ICA1L: variants seen among roughly 807,000 people sequenced by gnomAD.
ICA1L encodes the protein islet cell autoantigen 1 like.
A neutral mutation model predicts 61.3 loss-of-function variants in ICA1L; 50 were observed. That is an observed-to-expected ratio of 0.82 (90% CI 0.65 to 1.03). The LOEUF (loss-of-function observed/expected upper bound fraction) is 1.03. Among genes scored for constraint, ICA1L ranks in the 50% least tolerant of loss-of-function variants. The probability of loss-of-function intolerance (pLI) is 0.00; values close to 1 mark genes in which losing one functional copy is unlikely to be tolerated. For missense variants in ICA1L, 508 were observed against 556.7 expected, an observed-to-expected ratio of 0.91 and a Z score of 0.88; for synonymous variants, 161 against 191.3, an observed-to-expected ratio of 0.84 and a Z score of 1.31.
chr2:202,805,060 A>G (rs1000618848), intron 9 of ICA1L, among the ~76,000 whole-genome samples: 5 of 152,230 alleles, frequency 3.3e-5, no homozygotes, highest in Admixed American at 3.3e-4. Flanking sequence ...TACAAGCCCC[A>G]TCATGGATGA....
intron 1 of ICA1L, chr2:202,829,256 C>T: frequency 4.4e-6 from 1 of 226,836 alleles, no homozygotes; most frequent in East Asian, 9.8e-5. Flanking sequence ...GAGGCTGAGG[C>T]AGAGAATGGC....
At position 202,775,873 on chromosome 2, in the gene ICA1L, C is replaced by G. The variant is rs1002481982; in HGVS notation, c.*3660G>C. On this transcript the variant is annotated 3_prime_UTR_variant, in exon 13 of 13. Transcript: ENST00000358299. ...TTTCGTTCTCCCATGTCCGTATCAA[C>G]TCAATGTACTTTCCTAATACTATGA... 1.3e-5 allele frequency: 2 copies of G among 152,190 alleles called. No individual in the cohort carries two copies. Among genetic ancestry groups the G allele is most frequent in the Non-Finnish European group, 2.9e-5 (2 of 68,030 alleles). 9.4% of individuals were successfully genotyped at this position (152,190 alleles called of 1,614,324 possible). A position where few individuals can be genotyped will look rare whatever the true frequency, so the allele number is the denominator to read the frequency against.
chr2:202,785,560 C>T, intron 12 of ICA1L, among the ~76,000 whole-genome samples: 1 of 152,162 alleles, frequency 6.6e-6, no homozygotes. Flanking sequence ...GCTGGGACTA[C>T]AGGTGCCCGC....
chr2:202,825,461 C>T, intron 3 of ICA1L: 1 of 1,145,392 alleles, frequency 8.7e-7, no homozygotes, highest in Middle Eastern at 3.5e-4. Flanking sequence ...CAGAGAAAGA[C>T]CCTGTCTCAA....
intron 1 of ICA1L, chr2:202,841,014 A>G (rs1306607634): frequency 4.5e-6 from 3 of 667,594 alleles, no homozygotes; most frequent in Non-Finnish European, 8.6e-6. Context: ...GATGCTGTCC[A>G]TGTCCAGGGA....
At chr2:202,783,145 G>A (rs1692464707) in intron 12 of ICA1L, among the ~76,000 whole-genome samples, 1 of 152,088 alleles carries the variant, frequency 6.6e-6, no homozygotes, top group Non-Finnish European at 1.5e-5. Context: ...TAAATAGAGA[G>A]GGAATGAGGA....
chr2:202,828,580 G>A (rs1346282622), intron 2 of ICA1L, among the ~76,000 whole-genome samples: 2 of 152,166 alleles, frequency 1.3e-5, no homozygotes, highest in East Asian at 1.9e-4. Context: ...TAATCATTAA[G>A]ACTTAGCTTG....
chr2:202,786,831 A>G, intron 11 of ICA1L: 1 of 425,996 alleles, frequency 2.3e-6, no homozygotes, highest in East Asian at 7.1e-5. Context: ...ATTATGTTGT[A>G]TAAAATGACA....
chr2:202,852,379 C>T (rs1223229831), intron 1 of ICA1L, among the ~76,000 whole-genome samples: 4 of 152,050 alleles, frequency 2.6e-5, no homozygotes, highest in African/African-American at 9.7e-5. Flanking sequence ...TGTAAAAGTG[C>T]TCCCATTTCA....
At chr2:202,840,647 T>C in intron 1 of ICA1L, 1 of 585,388 alleles carries the variant, frequency 1.7e-6, no homozygotes, top group Admixed American at 1.9e-5. Context: ...CAGCCTGATG[T>C]TCGTCAGTTC....
Position 202,840,749 on chromosome 2 carries a change from G to A in ICA1L, c.-7-11733C>T, listed in dbSNP as rs572729880. The A allele has an allele frequency of 2.0e-5, 12 of 595,024 alleles. No individual in the cohort carries two copies. The African/African-American group carries it at 2.2e-4, about 11-fold the overall frequency. 36.9% of individuals were successfully genotyped at this position (595,024 alleles called of 1,614,324 possible). A position where few individuals can be genotyped will look rare whatever the true frequency, so the allele number is the denominator to read the frequency against. On this transcript the variant is annotated intron_variant, in intron 1 of 12. Coordinates refer to ENST00000358299, the MANE Select transcript of ICA1L (RefSeq NM_001288622.3). Reference sequence around the variant, plus strand: ...GAGCTTGGCATTGGCATCCTTAACAGCCAACTCCCCACACTGCTAGGCATC... The same window carrying A: ...GAGCTTGGCATTGGCATCCTTAACAACCAACTCCCCACACTGCTAGGCATC...
In ICA1L at chr2:202,774,407, C is replaced by CCT. The variant is rs1461635552; in HGVS notation, c.*5125_*5126insAG. The stretch of plus-strand genomic sequence containing the variant: ...CAGGCCTCACTGCGCCTCCAACAGC[C>CCT]AGGGTCGAGCCCCTGGCTCCCCGTT... On this transcript the variant is annotated 3_prime_UTR_variant, in exon 13 of 13. Transcript: ENST00000358299. 2 of 1,004,120 alleles carry CCT rather than the reference C, an allele frequency of 2.0e-6. No homozygotes were observed. The highest frequency in any genetic ancestry group is 2.7e-6 in the Non-Finnish European group (2 of 752,296). The allele number at this position is 1,004,120 out of a possible 1,614,324, so 62.2% of individuals were successfully genotyped here. A position where few individuals can be genotyped will look rare whatever the true frequency, so the allele number is the denominator to read the frequency against.
At chr2:202,862,764 G>C (rs1475030840) in intron 1 of ICA1L, among the ~76,000 whole-genome samples, 6 of 151,970 alleles carry the variant, frequency 3.9e-5, no homozygotes, top group African/African-American at 1.4e-4. Flanking sequence ...TTGAACCCGA[G>C]AGGCAGAGGT....
intron 1 of ICA1L, among the ~76,000 whole-genome samples, chr2:202,858,347 CATT>C (rs906363072): frequency 1.6e-4 from 24 of 152,184 alleles, no homozygotes; most frequent in African/African-American, 5.8e-4. Context: ...TGGAAACCAT[CATT>C]GTCAGCAAAT....
chr2:202,774,944 A>G lies in ICA1L; in HGVS notation c.*4589T>C, dbSNP rs771998735. The G allele has an allele frequency of 2.6e-5, 4 of 152,244 alleles. No homozygotes were observed. Among genetic ancestry groups the G allele is most frequent in the South Asian group, 2.1e-4 (1 of 4,830 alleles). 9.4% of individuals were successfully genotyped at this position (152,244 alleles called of 1,614,324 possible). On this transcript the variant is annotated 3_prime_UTR_variant, in exon 13 of 13. Coordinates refer to ENST00000358299, the MANE Select transcript of ICA1L (RefSeq NM_001288622.3). ...CCTTTTTGTATTTACTCTTTGGCCA[A>G]TGAGTAGTTAATTTACACCACTGAG...
chr2:202,816,285 G>A (rs1161175164), intron 6 of ICA1L, among the ~76,000 whole-genome samples: 1 of 152,118 alleles, frequency 6.6e-6, no homozygotes, highest in Non-Finnish European at 1.5e-5. Context: ...CTAAGAGAAT[G>A]AAAACTTAGG....
intron 1 of ICA1L, among the ~76,000 whole-genome samples, chr2:202,832,262 G>A (rs1306769597): frequency 1.3e-5 from 2 of 151,948 alleles, no homozygotes; most frequent in African/African-American, 2.4e-5. Context: ...GACATATAAA[G>A]AAATAGGAAC....
intron 10 of ICA1L, among the ~76,000 whole-genome samples, chr2:202,791,235 T>C (rs931816980): frequency 6.6e-6 from 1 of 152,136 alleles, no homozygotes; most frequent in African/African-American, 2.4e-5. Flanking sequence ...CCAGGGACTG[T>C]TGAAATCAAT....
intron 10 of ICA1L, among the ~76,000 whole-genome samples, chr2:202,792,926 G>A (rs1482595908): frequency 6.6e-6 from 1 of 152,168 alleles, no homozygotes; most frequent in Non-Finnish European, 1.5e-5. Context: ...TCATTTATAT[G>A]GAATGTCCAG....
Sources: gnomAD v4.1 joint callset for allele counts (sites outside exome capture counted in the v4.1 genomes callset) on GRCh38, gnomAD v4.1.1 for gene constraint, MANE v1.5 for transcripts, NCBI Gene and HGNC (gene_info 2026-07-23, HGNC 2026-07-21) for gene names.